Variants in MARF1 observed in about 807,000 individuals in gnomAD.
MARF1 encodes the protein limkain-b1.
MARF1 carries 24 observed loss-of-function variants against 168.2 expected under a neutral mutation model. The ratio of observed to expected loss-of-function variants is 0.14; its 90% confidence interval spans 0.10 to 0.20. The LOEUF is 0.20. Among genes scored for constraint, MARF1 ranks in the 10% least tolerant of loss-of-function variants. MARF1 has a pLI of 1.00. For synonymous variants in MARF1, 868 were observed against 822.4 expected, an observed-to-expected ratio of 1.06 and a Z score of -0.95; for missense variants, 1,744 against 2,143.6, an observed-to-expected ratio of 0.81 and a Z score of 3.68.
rs149662702 is a variant in MARF1 at position 15,637,614 on chromosome 16, C to G, written c.145-1272G>C. On this transcript the variant is annotated intron_variant, in intron 2 of 26. Coordinates refer to ENST00000396368, the MANE Select transcript of MARF1 (RefSeq NM_014647.4). ...ACTATGAGTTGATCCCCTGAACCTA[C>G]TCCATTCTGCATGCCACTGACAAAA... Among the ~76,000 whole-genome samples, 24 of 152,296 alleles carry G rather than the reference C, an allele frequency of 1.6e-4. No homozygotes were observed. The East Asian group carries it at 4.6e-3, about 29-fold the overall frequency.
chr16:15,642,146 T>C (rs925489154), intron 1 of MARF1, among the ~76,000 whole-genome samples: 4 of 152,112 alleles, frequency 2.6e-5, no homozygotes, highest in African/African-American at 9.7e-5. Context: ...ACGGGGAACA[T>C]TTAGCAAATG....
Position 15,608,380 on chromosome 16 carries a change from C to T in MARF1, c.4093G>A (p.Ala1365Thr). 1 of 1,613,564 alleles carries T rather than the reference C, an allele frequency of 6.2e-7. No individual in the cohort carries two copies. The highest frequency in any genetic ancestry group is 8.5e-7 in the Non-Finnish European group (1 of 1,179,920). The change falls in exon 21 of 27, where the codon GCT becomes ACT. Residue 1365 changes from alanine (A) to threonine (T), a missense_variant. Around this residue, in one of 7 missense-constraint regions of MARF1, gnomAD observed 543 missense variants for 742.1 expected, o/e 0.73. Transcript: ENST00000396368. ...CGAAATGTATAACCAAAAGTTTTAG[C>T]ATATTCTGTAAGGAGATCTGTCATC... ...LMMTDLLTEY[A>T]KTFGYTFRLQ...
At chr16:15,623,910 CTTTTTTT>C (rs1168260036) in intron 10 of MARF1, among the ~76,000 whole-genome samples, 1 of 132,830 alleles carries the variant, frequency 7.5e-6, no homozygotes, top group African/African-American at 2.9e-5. Context: ...GTCACTTTCT[CTTTTTTT>C]TTTTTTTTTT....
chr16:15,637,152 C>T (rs752541597), intron 2 of MARF1, among the ~76,000 whole-genome samples: 1 of 152,178 alleles, frequency 6.6e-6, no homozygotes, highest in Non-Finnish European at 1.5e-5. Flanking sequence ...TTGGTTTCCT[C>T]ATCCATAAAC....
rs1262252890 is a variant in MARF1 at position 15,601,973 on chromosome 16, G to C, written c.4626+18C>G. The stretch of plus-strand genomic sequence containing the variant: ...CTGTTCAGAAGATGCTCTCCCGGAA[G>C]CTGAGAAAAATGCCCACCTGTGGAA... On this transcript the variant is annotated intron_variant, in intron 23 of 26. Coordinates refer to ENST00000396368, the MANE Select transcript of MARF1 (RefSeq NM_014647.4). 8 of 1,607,242 alleles carry C rather than the reference G, an allele frequency of 5.0e-6. No homozygotes were observed. The South Asian group carries it at 7.7e-5, about 15-fold the overall frequency.
At position 15,621,903 on chromosome 16, in the gene MARF1, A is replaced by G; in HGVS notation, c.2469T>C (p.Ser823=). 1 of 1,612,796 alleles carries G rather than the reference A, an allele frequency of 6.2e-7. No individual in the cohort carries two copies. The highest frequency in any genetic ancestry group is 8.5e-7 in the Non-Finnish European group (1 of 1,179,640). Reference sequence around the variant, plus strand: ...AATCTGTATGGGGGCTGAGCTCAACACTCTTCACCTACAACAGGAAAAGCG... The same window carrying G: ...AATCTGTATGGGGGCTGAGCTCAACGCTCTTCACCTACAACAGGAAAAGCG... ...EAFARHGKVK[S]VELSPHTDYQ... The change falls in exon 12 of 27, where the codon AGT becomes AGC. Residue 823 remains serine (S), a synonymous_variant. Coordinates refer to ENST00000396368, the MANE Select transcript of MARF1 (RefSeq NM_014647.4).
At chr16:15,624,336 A>G (rs1447031204) in intron 10 of MARF1, among the ~76,000 whole-genome samples, 1 of 152,250 alleles carries the variant, frequency 6.6e-6, no homozygotes, top group East Asian at 1.9e-4. Context: ...CCAAGCATCA[A>G]GAATTCCTTG....
Position 15,617,389 on chromosome 16 carries a change from C to A in MARF1, c.2867G>T (p.Gly956Val). 6.2e-7 allele frequency: 1 copy of A among 1,614,134 alleles called. No individual in the cohort carries two copies. The highest frequency in any genetic ancestry group is 8.5e-7 in the Non-Finnish European group (1 of 1,180,020). Residue 956 changes from glycine (G) to valine (V), a missense_variant, in exon 14 of 27, where the codon GGC becomes GTC. Transcript: ENST00000396368. ...SPLGSSQSHD[G>V]SSTNCSPIIF... ...AATTGGGCTGCAATTCGTGGAGGAG[C>A]CGTCGTGTGACTGGGAAGACCCCAA...
chr16:15,600,912 A>G, intron 23 of MARF1: 1 of 704,088 alleles, frequency 1.4e-6, no homozygotes, highest in South Asian at 1.5e-5. Flanking sequence ...GAGTAGTTCA[A>G]AAATCATGAG....
At position 15,630,458 on chromosome 16, in the gene MARF1, A is replaced by G; in HGVS notation, c.1398T>C (p.His466=). The G allele has an allele frequency of 6.2e-7, 1 of 1,614,048 alleles. No homozygotes were observed. Among genetic ancestry groups the G allele is most frequent in the Middle Eastern group, 1.7e-4 (1 of 6,028 alleles). Residue 466 remains histidine (H), a synonymous_variant, in exon 7 of 27, where the codon CAT becomes CAC. Coordinates refer to ENST00000396368, the MANE Select transcript of MARF1 (RefSeq NM_014647.4). ...ALELSDLRHR[H]GFHIILVHKN... ...TATGGACCAAAATAATGTGGAAACC[A>G]TGCCTGTGTCTCAGGTCACTAAGTT...
intron 15 of MARF1, 130 bp from the exon 16 acceptor site, chr16:15,616,135 T>G: frequency 1.4e-6 from 1 of 726,046 alleles, no homozygotes; most frequent in Non-Finnish European, 2.0e-6. Flanking sequence ...ACCACCAGGT[T>G]TGAAGGTTAA....
intron 11 of MARF1, 52 bp from the exon 12 acceptor site, chr16:15,621,963 G>A (rs1347379149): frequency 6.5e-6 from 10 of 1,543,024 alleles, no homozygotes; most frequent in African/African-American, 5.5e-5. Flanking sequence ...GAACCCTGTC[G>A]TCTTAAAACT....
rs748566976 is a variant in MARF1, at chr16:15,596,681, T to C, written c.*12A>G. On this transcript the variant is annotated 3_prime_UTR_variant, in exon 27 of 27. Transcript: ENST00000396368. ...GTGTTTTCCCATCCTAATTCTATATTCCAAATGGGAGTTAAAGCTTGGTTA... is the reference window on the plus strand; with the variant it reads ...GTGTTTTCCCATCCTAATTCTATATCCCAAATGGGAGTTAAAGCTTGGTTA... 3 of 1,566,872 alleles carry C rather than the reference T, an allele frequency of 1.9e-6. No individual in the cohort carries two copies. Among genetic ancestry groups the C allele is most frequent in the Non-Finnish European group, 2.6e-6 (3 of 1,151,268 alleles).
In MARF1 at chr16:15,612,764, C is replaced by A. The variant is rs1307707983; in HGVS notation, c.3267G>T (p.Leu1089=). The A allele has an allele frequency of 6.2e-7, 1 of 1,613,846 alleles. No individual in the cohort carries two copies. The highest frequency in any genetic ancestry group is 1.7e-5 in the Admixed American group (1 of 59,992). Reference sequence around the variant, plus strand: ...GGTTACCTACAGGACTCTTCGAACGCAGAAGCCAAGGGTCTAGAAGAAAAA... The same window carrying A: ...GGTTACCTACAGGACTCTTCGAACGAAGAAGCCAAGGGTCTAGAAGAAAAA... ...PPPPNTDPWL[L]RSKSPVGNPQ... Residue 1089 remains leucine (L), a synonymous_variant, in exon 17 of 27, where the codon CTG becomes CTT. Transcript: ENST00000396368.
At chr16:15,627,824 C>T (rs2034977483) in intron 7 of MARF1, among the ~76,000 whole-genome samples, 1 of 152,092 alleles carries the variant, frequency 6.6e-6, no homozygotes, top group African/African-American at 2.4e-5. Flanking sequence ...GATTAAAAGT[C>T]AATTATAAGA....
At chr16:15,611,144 T>G (rs1238622885) in intron 18 of MARF1, 36 bp from the exon 19 acceptor site, 1 of 1,604,242 alleles carries the variant, frequency 6.2e-7, no homozygotes, top group Non-Finnish European at 8.5e-7. Flanking sequence ...ACGGAATGAG[T>G]AGTATCATCG....
Position 15,604,357 on chromosome 16 carries a change from G to T in MARF1, c.4224C>A (p.Asn1408Lys), listed in dbSNP as rs757677863. 2 of 1,614,142 alleles carry T rather than the reference G, an allele frequency of 1.2e-6. No individual in the cohort carries two copies. Among genetic ancestry groups the T allele is most frequent in the East Asian group, 4.5e-5 (2 of 44,876 alleles). ...CAGTGAGAGATCGCAGAGACTTTCG[G>T]TTGATCAGCTGAATCTGTCTGCCAG... ...IESGRQIQLI[N>K]RKSLRSLTAQ... is the part of the protein sequence containing the mutation. Residue 1408 changes from asparagine (N) to lysine (K), a missense_variant, in exon 22 of 27, where the codon AAC (asparagine) becomes AAA (lysine). Asn to Lys is a moderately conservative substitution (Grantham distance 94). This residue lies in a region of MARF1 where 74 missense variants were observed against 66.7 expected (regional missense o/e 1.11). Coordinates refer to ENST00000396368, the MANE Select transcript of MARF1 (RefSeq NM_014647.4).
chr16:15,624,636 G>A (rs1030970494), intron 10 of MARF1, 133 bp downstream of exon 10: 6 of 782,366 alleles, frequency 7.7e-6, no homozygotes, highest in African/African-American at 6.9e-5. Flanking sequence ...AGGAGAGGGG[G>A]ACTGGCAGAA....
Position 15,604,150 on chromosome 16 carries a change from A to G in MARF1, c.4413+18T>C, listed in dbSNP as rs1159683117. ...ATAGTTTTCAATGATAGTTCTAAAG[A>G]GCCATTAACGTGCCTACCTCAACCA... On this transcript the variant is annotated intron_variant, in intron 22 of 26. Transcript: ENST00000396368. 1 of 1,536,040 alleles carries G rather than the reference A, an allele frequency of 6.5e-7. No homozygotes were observed.
Sources: gnomAD v4.1 joint callset for allele counts (sites outside exome capture counted in the v4.1 genomes callset) on GRCh38, gnomAD v4.1.1 for gene constraint, gnomAD v4.1.1 regional missense constraint, MANE v1.5 for transcripts, NCBI Gene and HGNC (gene_info 2026-07-23, HGNC 2026-07-21) for gene names.